Variants in CABIN1 observed in about 807,000 individuals in gnomAD.
CABIN1 encodes the protein calcineurin binding protein 1.
Under a neutral mutation model 227.7 loss-of-function variants are expected in CABIN1, and 133 were observed. That is an observed-to-expected ratio of 0.58 (90% confidence interval 0.51 to 0.67). CABIN1 has a LOEUF of 0.67. CABIN1 is among the 30% of genes least tolerant of loss of function. The pLI is 0.00. For synonymous variants in CABIN1, 1,086 were observed against 1,155.1 expected (o/e 0.94, Z 1.21); for missense variants, 2,408 against 2,852.5 (o/e 0.84, Z 3.55).
chr22:24,035,433 T>G lies in CABIN1; in HGVS notation c.-74-11T>G. On this transcript the variant is annotated splice_polypyrimidine_tract_variant and intron_variant, in intron 1 of 36. Coordinates refer to ENST00000263119, the MANE Select transcript of CABIN1 (RefSeq NM_012295.4). ...TAGGCCTTGTCTCAGTTTGTCCTAT[T>G]TCCTTTCTAGGAGAGTTGTGGACTG... 1 of 1,581,758 alleles carries G rather than the reference T, an allele frequency of 6.3e-7. No homozygotes were observed. The highest frequency in any genetic ancestry group is 8.7e-7 in the Non-Finnish European group (1 of 1,150,626).
chr22:24,139,561 G>A (rs1263700546), intron 29 of CABIN1, among the ~76,000 whole-genome samples: 9 of 150,162 alleles, frequency 6.0e-5, no homozygotes, highest in East Asian at 1.9e-4. Flanking sequence ...GCAAGACTCC[G>A]TGTCAAAAAA....
chr22:24,134,674 G>A (rs2044282318), intron 29 of CABIN1, among the ~76,000 whole-genome samples: 1 of 152,196 alleles, frequency 6.6e-6, no homozygotes, highest in African/African-American at 2.4e-5. Context: ...AAAGCCCCAG[G>A]TATTCTGGGG....
intron 1 of CABIN1, among the ~76,000 whole-genome samples, chr22:24,013,197 CTTT>C (rs35584227): frequency 2.6e-5 from 3 of 113,500 alleles, no homozygotes; most frequent in African/African-American, 3.5e-5. Flanking sequence ...TCTTTTTAAG[CTTT>C]TTTTTTTTTT....
At chr22:24,151,571 A>C (rs1420502363) in intron 29 of CABIN1, among the ~76,000 whole-genome samples, 1 of 152,034 alleles carries the variant, frequency 6.6e-6, no homozygotes, top group African/African-American at 2.4e-5. Context: ...CTATTCTAGA[A>C]GCCTGGGCAG....
At chr22:24,065,474 TC>T (rs2039569871) in intron 15 of CABIN1, among the ~76,000 whole-genome samples, 1 of 148,560 alleles carries the variant, frequency 6.7e-6, no homozygotes, top group African/African-American at 2.5e-5. Context: ...GCTCCTTACT[TC>T]CTAGATGGGA....
chr22:24,073,567 C>CT (rs1555932200), intron 18 of CABIN1, among the ~76,000 whole-genome samples: 4 of 152,150 alleles, frequency 2.6e-5, no homozygotes, highest in Non-Finnish European at 5.9e-5. Flanking sequence ...GGCTCTGTGG[C>CT]TAGGATACCT....
At chr22:24,083,469 G>A (rs1252290695) in intron 20 of CABIN1, 80 bp downstream of exon 20, 2 of 1,513,396 alleles carry the variant, frequency 1.3e-6, no homozygotes, top group Non-Finnish European at 1.8e-6. Context: ...TTTGTCAACA[G>A]TCATCTTGGC....
At chr22:24,052,557 G>A (rs1478766774) in intron 8 of CABIN1, among the ~76,000 whole-genome samples, 1 of 151,480 alleles carries the variant, frequency 6.6e-6, no homozygotes, top group Non-Finnish European at 1.5e-5. Flanking sequence ...TTGGGAGGCT[G>A]AGGCAGGAGG....
rs145792542 is a variant in CABIN1 at position 24,107,380 on chromosome 22, C to G, written c.4118-6186C>G. 7.1e-3 allele frequency among the ~76,000 whole-genome samples: 1,082 copies of G among 152,344 alleles called. 13 individuals are homozygous for G. Among genetic ancestry groups the G allele is most frequent in the African/African-American group, 0.025 (1,041 of 41,582 alleles). On this transcript the variant is annotated intron_variant, in intron 26 of 36. Transcript: ENST00000263119. ...CTGGTTTTTTAGATGGTTGGCAGTT[C>G]CAGATTCTCACATCTGTGTCTGAGA...
Position 24,038,052 on chromosome 22 carries a change from C to T in CABIN1, c.97-296C>T, listed in dbSNP as rs1267724196. The stretch of plus-strand genomic sequence containing the variant: ...GCTTCCGTGCCCTCTCCAGGTGCGG[C>T]ACCCTCCCAGCACCTTGATGTTGTT... On this transcript the variant is annotated intron_variant, in intron 3 of 36. Transcript: ENST00000263119. Among the ~76,000 whole-genome samples the T allele has an allele frequency of 4.6e-5, 7 of 152,328 alleles. No individual in the cohort carries two copies. In the East Asian group the frequency reaches 1.3e-3, roughly 29 times the overall value.
At chr22:24,125,829 T>A (rs535571960) in intron 28 of CABIN1, among the ~76,000 whole-genome samples, 4 of 152,368 alleles carry the variant, frequency 2.6e-5, no homozygotes, top group African/African-American at 9.6e-5. Context: ...GATATTTTTC[T>A]GAACTTAGGA....
intron 29 of CABIN1, among the ~76,000 whole-genome samples, chr22:24,136,442 TC>T (rs1016933414): frequency 1.1e-4 from 15 of 141,056 alleles, no homozygotes; most frequent in Non-Finnish European, 1.5e-5. Flanking sequence ...AACCTCCGCC[TC>T]CTGGGTTCAA....
intron 34 of CABIN1, chr22:24,175,863 A>G: frequency 1.7e-6 from 1 of 600,706 alleles, no homozygotes; most frequent in Non-Finnish European, 3.0e-6. Flanking sequence ...GGTCAGGTGT[A>G]TAGCCCTCTC....
intron 28 of CABIN1, among the ~76,000 whole-genome samples, chr22:24,130,896 G>T (rs2044034419): frequency 6.6e-6 from 1 of 152,200 alleles, no homozygotes; most frequent in African/African-American, 2.4e-5. Context: ...TCCAGGTTGG[G>T]TTTGACAGGC....
intron 7 of CABIN1, among the ~76,000 whole-genome samples, chr22:24,049,540 C>T (rs529086664): frequency 6.6e-6 from 1 of 152,328 alleles, no homozygotes; most frequent in South Asian, 2.1e-4. Context: ...TGCCTTTCCC[C>T]TTCCCAGGGT....
intron 26 of CABIN1, among the ~76,000 whole-genome samples, chr22:24,100,906 T>C (rs1488982346): frequency 6.6e-6 from 1 of 152,240 alleles, no homozygotes; most frequent in African/African-American, 2.4e-5. Flanking sequence ...TGGATGGAGT[T>C]CTCCAAGTCA....
At chr22:24,174,790 A>G (rs950366023) in intron 34 of CABIN1, among the ~76,000 whole-genome samples, 9 of 151,814 alleles carry the variant, frequency 5.9e-5, no homozygotes, top group African/African-American at 2.2e-4. Flanking sequence ...GATCATGGTG[A>G]CTGGTTCTCC....
intron 26 of CABIN1, among the ~76,000 whole-genome samples, chr22:24,101,949 G>A (rs1157587170): frequency 6.6e-6 from 1 of 152,154 alleles, no homozygotes; most frequent in African/African-American, 2.4e-5. Context: ...GCTCTGGGCA[G>A]GTGCCTGCAG....
At chr22:24,124,189 A>G (rs1400761567) in intron 28 of CABIN1, among the ~76,000 whole-genome samples, 1 of 152,218 alleles carries the variant, frequency 6.6e-6, no homozygotes, top group Non-Finnish European at 1.5e-5. Flanking sequence ...AATGATAGTG[A>G]TATGAAAGCA....
Sources: allele counts gnomAD v4.1 joint callset (sites outside exome capture counted in the v4.1 genomes callset), GRCh38; gene constraint gnomAD v4.1.1; transcripts MANE v1.5; gene names NCBI Gene and HGNC (gene_info 2026-07-23, HGNC 2026-07-21).